Variants in XRCC4 observed in about 807,000 individuals in gnomAD.
The protein encoded by XRCC4 is X-ray repair cross complementing 4, also known as DNA repair protein XRCC4.
Under a neutral mutation model 39.1 loss-of-function variants are expected in XRCC4, and 28 were observed. The ratio of observed to expected loss-of-function variants is 0.72; its 90% CI spans 0.53 to 0.98. The LOEUF (loss-of-function observed/expected upper bound fraction) is 0.98. Among genes scored for constraint, XRCC4 ranks in the 50% least tolerant of loss-of-function variants. The probability of loss-of-function intolerance (pLI) is 0.00; values close to 1 mark genes in which losing one functional copy is unlikely to be tolerated. For missense variants in XRCC4, 350 were observed against 376.4 expected (o/e 0.93, Z 0.58); for synonymous variants, 123 against 126.4 (o/e 0.97, Z 0.18).
At chr5:83,370,538 T>TAG in the XRCC4 span, among the ~76,000 whole-genome samples, 1 of 152,198 alleles carries the variant, frequency 6.6e-6, no homozygotes, top group African/African-American at 2.4e-5. Flanking sequence ...CCTGTCCAAG[T>TAG]TGTTTCTGCT....
intron 4 of XRCC4, among the ~76,000 whole-genome samples, chr5:83,198,136 T>G (rs925395641): frequency 6.6e-6 from 1 of 152,104 alleles, no homozygotes; most frequent in African/African-American, 2.4e-5. Context: ...ACTGGGGACA[T>G]AGAAAGTAGA....
intron 7 of XRCC4, among the ~76,000 whole-genome samples, chr5:83,302,152 G>C (rs140685752): frequency 6.6e-6 from 1 of 152,088 alleles, no homozygotes; most frequent in Non-Finnish European, 1.5e-5. Context: ...GGTTCCGTGC[G>C]GGTGGGATCC....
intron 7 of XRCC4, chr5:83,280,379 T>G (rs1180891554): frequency 1.8e-6 from 1 of 548,098 alleles, no homozygotes; most frequent in Non-Finnish European, 3.4e-6. Flanking sequence ...CTTGAATGTC[T>G]TAAAATTCTT....
chr5:83,373,377 T>C, the XRCC4 span, among the ~76,000 whole-genome samples: 2 of 152,182 alleles, frequency 1.3e-5, no homozygotes, highest in African/African-American at 4.8e-5. Context: ...TATCTGAGCA[T>C]AGAATTCATA....
chr5:83,179,821 G>C (rs1750129117), intron 3 of XRCC4, among the ~76,000 whole-genome samples: 1 of 152,110 alleles, frequency 6.6e-6, no homozygotes, highest in Non-Finnish European at 1.5e-5. Context: ...TGAATTTTCT[G>C]AGAAAAAGAT....
intron 7 of XRCC4, among the ~76,000 whole-genome samples, chr5:83,346,369 A>G (rs1376408083): frequency 6.6e-6 from 1 of 152,188 alleles, no homozygotes; most frequent in Non-Finnish European, 1.5e-5. Context: ...ATTGAGATTC[A>G]GAATATCTAG....
chr5:83,100,332 GT>G (rs1277475230), intron 1 of XRCC4, among the ~76,000 whole-genome samples: 1 of 152,070 alleles, frequency 6.6e-6, no homozygotes, highest in Non-Finnish European at 1.5e-5. Context: ...ATTCAAAGAT[GT>G]TCTTAAAACT....
At chr5:83,301,027 G>A (rs574966004) in intron 7 of XRCC4, among the ~76,000 whole-genome samples, 2 of 152,260 alleles carry the variant, frequency 1.3e-5, no homozygotes, top group Admixed American at 1.3e-4. Context: ...TATGAACAGT[G>A]CTGCAATAAA....
At chr5:83,195,564 G>A (rs1416776693) in intron 3 of XRCC4, among the ~76,000 whole-genome samples, 3 of 151,976 alleles carry the variant, frequency 2.0e-5, no homozygotes, top group Non-Finnish European at 4.4e-5. Context: ...AATTATTCTT[G>A]GGCTATATGT....
chr5:83,173,932 T>C (rs1300548995), intron 3 of XRCC4, among the ~76,000 whole-genome samples: 3 of 152,196 alleles, frequency 2.0e-5, no homozygotes, highest in African/African-American at 7.2e-5. Flanking sequence ...TTCTGTGATT[T>C]TCTTTTTCTT....
chr5:83,290,782 C>T (rs1392502116), intron 7 of XRCC4, among the ~76,000 whole-genome samples: 1 of 151,784 alleles, frequency 6.6e-6, no homozygotes, highest in African/African-American at 2.4e-5. Context: ...TCAATGCCCA[C>T]TATGCAGAGA....
intron 6 of XRCC4, among the ~76,000 whole-genome samples, chr5:83,226,479 C>G (rs1227780050): frequency 1.3e-5 from 2 of 152,034 alleles, no homozygotes; most frequent in East Asian, 3.9e-4. Flanking sequence ...AAACTACAGC[C>G]TTTTCCATTA....
intron 6 of XRCC4, among the ~76,000 whole-genome samples, chr5:83,248,113 A>G (rs181324862): frequency 3.3e-5 from 5 of 152,126 alleles, no homozygotes; most frequent in Non-Finnish European, 5.9e-5. Context: ...GAGCAACTCA[A>G]GAGTTGAGCA....
At chr5:83,175,624 T>G (rs1466370482) in intron 3 of XRCC4, among the ~76,000 whole-genome samples, 1 of 152,120 alleles carries the variant, frequency 6.6e-6, no homozygotes, top group Non-Finnish European at 1.5e-5. Flanking sequence ...TTTTTGTTTT[T>G]TTTTGAGACA....
intron 3 of XRCC4, among the ~76,000 whole-genome samples, chr5:83,131,167 G>A (rs1747557615): frequency 1.3e-5 from 2 of 152,118 alleles, no homozygotes; most frequent in South Asian, 4.1e-4. Flanking sequence ...CTGGTATGTT[G>A]TGTCTTTGTT....
intron 3 of XRCC4, among the ~76,000 whole-genome samples, chr5:83,141,181 AG>A (rs1402247496): frequency 6.6e-6 from 1 of 152,236 alleles, no homozygotes; most frequent in African/African-American, 2.4e-5. Flanking sequence ...TATGCCATTT[AG>A]GGATATGTCA....
At chr5:83,173,800 G>GATTGTTA (rs1749833235) in intron 3 of XRCC4, among the ~76,000 whole-genome samples, 1 of 152,158 alleles carries the variant, frequency 6.6e-6, no homozygotes, top group South Asian at 2.1e-4. Flanking sequence ...ATCACCACTT[G>GATTGTTA]ATTGTTAATT....
intron 6 of XRCC4, among the ~76,000 whole-genome samples, chr5:83,255,732 G>C (rs142122362): frequency 1.2e-4 from 19 of 152,228 alleles, no homozygotes; most frequent in African/African-American, 4.3e-4. Flanking sequence ...AAAATTGCAA[G>C]CTCTCGGTCC....
the XRCC4 span, among the ~76,000 whole-genome samples, chr5:83,364,245 T>C: frequency 1.3e-5 from 2 of 152,136 alleles, no homozygotes; most frequent in Admixed American, 1.3e-4. Flanking sequence ...TTATATTTTG[T>C]TTTCAAGTTT....
Sources: allele counts gnomAD v4.1 joint callset (sites outside exome capture counted in the v4.1 genomes callset), GRCh38; gene constraint gnomAD v4.1.1; transcripts MANE v1.5; gene names NCBI Gene and HGNC (gene_info 2026-07-23, HGNC 2026-07-21).